Variants in WASF2 observed in about 807,000 individuals in gnomAD.
The protein encoded by WASF2 is actin-binding protein WASF2.
In WASF2, 14 loss-of-function variants were observed where a neutral mutation model predicts 45.0. That is an observed-to-expected ratio of 0.31 (90% CI 0.21 to 0.49). WASF2 has a LOEUF of 0.49. Among genes scored for constraint, WASF2 ranks in the 20% least tolerant of loss-of-function variants. WASF2 has a pLI of 0.99. For synonymous variants in WASF2, 200 were observed against 236.3 expected, an observed-to-expected ratio of 0.85 and a Z score of 1.41; for missense variants, 439 against 636.1, an observed-to-expected ratio of 0.69 and a Z score of 3.33.
intron 1 of WASF2, among the ~76,000 whole-genome samples, chr1:27,469,770 C>T (rs2017665292): frequency 6.6e-6 from 1 of 152,002 alleles, no homozygotes; most frequent in Non-Finnish European, 1.5e-5. Context: ...GGTGAAACCC[C>T]ATCTCTACTA....
chr1:27,475,781 T>C (rs886391851), intron 1 of WASF2, among the ~76,000 whole-genome samples: 5 of 152,100 alleles, frequency 3.3e-5, no homozygotes, highest in African/African-American at 1.2e-4. Flanking sequence ...GTGCACACCA[T>C]CACACCCAGC....
At chr1:27,421,377 T>A (rs1316034518) in intron 2 of WASF2, among the ~76,000 whole-genome samples, 2 of 152,270 alleles carry the variant, frequency 1.3e-5, no homozygotes, top group South Asian at 4.1e-4. Context: ...CTCAAAAATA[T>A]CTGTTAAAAA....
At chr1:27,487,556 A>ATACAATATATAATATATATTATATATC (rs2017952836) in intron 1 of WASF2, among the ~76,000 whole-genome samples, 1 of 105,222 alleles carries the variant, frequency 9.5e-6, no homozygotes, top group Admixed American at 1.5e-4. Flanking sequence ...TATTATATAT[A>ATACAATATATAATATATATTATATATC]TTTTATACAA....
intron 1 of WASF2, among the ~76,000 whole-genome samples, chr1:27,443,514 G>T (rs901657989): frequency 4.6e-5 from 7 of 151,402 alleles, no homozygotes; most frequent in African/African-American, 1.7e-4. Context: ...TTGGGAGGCC[G>T]AGGCAGGAGA....
intron 4 of WASF2, 27 bp from the exon 5 acceptor site, chr1:27,416,129 T>C: frequency 2.5e-6 from 4 of 1,598,054 alleles, no homozygotes; most frequent in Non-Finnish European, 3.4e-6. Context: ...GACAAGTAGC[T>C]GTCAGTAGAC....
At chr1:27,481,646 C>T (rs540715157) in intron 1 of WASF2, among the ~76,000 whole-genome samples, 4 of 151,332 alleles carry the variant, frequency 2.6e-5, no homozygotes, top group Non-Finnish European at 4.4e-5. Flanking sequence ...GCAGGGAGGG[C>T]GTGCACAGAG....
chr1:27,476,580 C>T (rs1281696548), intron 1 of WASF2, among the ~76,000 whole-genome samples: 1 of 146,784 alleles, frequency 6.8e-6, no homozygotes, highest in African/African-American at 2.5e-5. Context: ...ATTAAGTGGA[C>T]AAAATTTAAA....
Position 27,456,316 on chromosome 1 carries a change from T to TG in WASF2, c.-43-27384_-43-27383insC, listed in dbSNP as rs1491398791. On this transcript the variant is annotated intron_variant, in intron 1 of 8. Coordinates refer to ENST00000618852, the MANE Select transcript of WASF2 (RefSeq NM_006990.5). ...TATCCTGGGCTACAGAGCGAGACTC[T>TG]AAAAAAAAAAAAAAAAAAAAAACAA... Among the ~76,000 whole-genome samples, 31 of 95,340 alleles carry TG rather than the reference T, an allele frequency of 3.3e-4. 1 individual carries two copies. The highest frequency in any genetic ancestry group is 5.3e-4 in the African/African-American group (13 of 24,394). The allele number at this position is 95,340 out of a possible 152,430, so 62.5% of individuals were successfully genotyped here. A position where few individuals can be genotyped will look rare whatever the true frequency, so the allele number is the denominator to read the frequency against.
intron 1 of WASF2, among the ~76,000 whole-genome samples, chr1:27,451,148 C>T (rs1425425180): frequency 6.6e-6 from 1 of 152,088 alleles, no homozygotes; most frequent in Non-Finnish European, 1.5e-5. Context: ...CTGTGCCACA[C>T]ACTTAGGATA....
At chr1:27,441,400 G>C (rs979776982) in intron 1 of WASF2, among the ~76,000 whole-genome samples, 16 of 151,758 alleles carry the variant, frequency 1.1e-4, no homozygotes, top group African/African-American at 3.6e-4. Context: ...GGCCGAGGTG[G>C]GTGGATCACT....
At position 27,409,882 on chromosome 1, in the gene WASF2, C is replaced by G. The variant is rs1472432760; in HGVS notation, c.1149G>C (p.Leu383Phe). 6 of 1,570,436 alleles carry G rather than the reference C, an allele frequency of 3.8e-6. No homozygotes were observed. The highest frequency in any genetic ancestry group is 5.2e-6 in the Non-Finnish European group (6 of 1,155,196). ...GAGGTGCTCCTCCTGTTGGCTGGGA[C>G]AAGGGAGGTGGTGGCAGAGTTGGGT... is the stretch of plus-strand genomic sequence containing the variant. ...ADYPTLPPPP[L>F]SQPTGGAPPP... Residue 383 changes from leucine (L) to phenylalanine (F), a missense_variant, in exon 8 of 9, where the codon TTG becomes TTC. Transcript: ENST00000618852.
chr1:27,409,266 T>A (rs2016724483), intron 8 of WASF2, among the ~76,000 whole-genome samples: 1 of 149,720 alleles, frequency 6.7e-6, no homozygotes, highest in Admixed American at 6.6e-5. Flanking sequence ...CTACTAAAAA[T>A]ACAAAAAAAT....
chr1:27,440,716 G>A (rs1034995756), intron 1 of WASF2, among the ~76,000 whole-genome samples: 2 of 151,594 alleles, frequency 1.3e-5, no homozygotes, highest in Non-Finnish European at 2.9e-5. Flanking sequence ...CTCAGAAGGT[G>A]GACACGGTGG....
intron 1 of WASF2, among the ~76,000 whole-genome samples, chr1:27,486,683 G>A (rs1243212893): frequency 2.6e-5 from 4 of 152,066 alleles, no homozygotes; most frequent in South Asian, 2.1e-4. Context: ...CAGCACTTCC[G>A]GAGGCCGCAG....
chr1:27,457,943 G>C (rs1224533516), intron 1 of WASF2, among the ~76,000 whole-genome samples: 1 of 152,026 alleles, frequency 6.6e-6, no homozygotes, highest in Non-Finnish European at 1.5e-5. Context: ...ATATTTTAAC[G>C]TATCTCTGTG....
At chr1:27,472,621 G>C (rs2017704652) in intron 1 of WASF2, among the ~76,000 whole-genome samples, 1 of 130,702 alleles carries the variant, frequency 7.7e-6, no homozygotes, top group Admixed American at 8.7e-5. Flanking sequence ...CAGCACTCCA[G>C]CCTGGGTGAC....
chr1:27,422,874 C>T (rs565501761), intron 2 of WASF2, among the ~76,000 whole-genome samples: 4 of 152,164 alleles, frequency 2.6e-5, no homozygotes, highest in Non-Finnish European at 4.4e-5. Flanking sequence ...CACGGTGGCT[C>T]ATGCCTATAA....
Position 27,410,293 on chromosome 1 carries a change from T to A in WASF2, c.825-87A>T, listed in dbSNP as rs2016745265. The A allele has an allele frequency of 1.3e-6, 2 of 1,551,982 alleles. No individual in the cohort carries two copies. The highest frequency in any genetic ancestry group is 1.8e-6 in the Non-Finnish European group (2 of 1,142,726). ...TTAGCCTTGTCTACAGACCGAGGTT[T>A]ATCTTGGTTGACTATACCATTTCAC... is the stretch of plus-strand genomic sequence containing the variant. On this transcript the variant is annotated intron_variant, in intron 7 of 8. Transcript: ENST00000618852. This position sits in a 1 kb window ranked among gnomAD's most constrained non-coding sequence, Gnocchi z 4.2.
At chr1:27,408,563 G>T (rs542793819) in intron 8 of WASF2, among the ~76,000 whole-genome samples, 109 of 152,326 alleles carry the variant, frequency 7.2e-4, no homozygotes, top group Admixed American at 2.0e-3. Context: ...GTCCTTTCTG[G>T]TTTACACACT....
Sources: allele counts gnomAD v4.1 joint callset (sites outside exome capture counted in the v4.1 genomes callset), GRCh38; gene constraint gnomAD v4.1.1; non-coding constraint Gnocchi (gnomAD v3.1); transcripts MANE v1.5; gene names NCBI Gene and HGNC (gene_info 2026-07-23, HGNC 2026-07-21).